The following UBXN11 variants were observed in gnomAD, a reference collection of about 807,000 sequenced individuals.
UBXN11 encodes UBX domain protein 11.
In UBXN11, 47 loss-of-function variants were observed where a neutral mutation model predicts 62.8. The observed-to-expected ratio is 0.75, with a 90% confidence interval of 0.59 to 0.95. The LOEUF is 0.95. UBXN11 is among the 40% of genes least tolerant of loss of function. The probability of loss-of-function intolerance (pLI) is 0.00; values close to 1 mark genes in which losing one functional copy is unlikely to be tolerated. For synonymous variants in UBXN11, 294 were observed against 267.0 expected, an observed-to-expected ratio of 1.10 and a Z score of -0.99; for missense variants, 638 against 661.7, an observed-to-expected ratio of 0.96 and a Z score of 0.39.
exon 1 of UBXN11, chr1:26,318,302 G>A: frequency 1.9e-6 from 1 of 535,172 alleles, no homozygotes; most frequent in Non-Finnish European, 3.4e-6. Flanking sequence ...TGTATCCACA[G>A]CTGGGGAGCA....
intron 8 of UBXN11, among the ~76,000 whole-genome samples, chr1:26,289,574 T>C (rs148505743): frequency 3.2e-4 from 48 of 152,198 alleles, no homozygotes; most frequent in African/African-American, 1.1e-3. Flanking sequence ...TTTCCAGAAA[T>C]GTCTGAGCAC....
intron 5 of UBXN11, 78 bp downstream of exon 5, chr1:26,297,884 G>A: frequency 6.7e-7 from 1 of 1,488,224 alleles, no homozygotes; most frequent in Non-Finnish European, 9.2e-7. Context: ...ACCCACCCTA[G>A]TCCAACTCCT....
intron 7 of UBXN11, among the ~76,000 whole-genome samples, chr1:26,295,606 T>C (rs533725501): frequency 6.6e-6 from 1 of 152,178 alleles, no homozygotes; most frequent in South Asian, 2.1e-4. Context: ...AGTGGCACCT[T>C]CCCTGTCTAA....
At chr1:26,286,063 A>T in intron 8 of UBXN11, 26 bp from the exon 9 acceptor site, 1 of 1,569,398 alleles carries the variant, frequency 6.4e-7, no homozygotes, top group Non-Finnish European at 8.7e-7. Flanking sequence ...GACACCTGTG[A>T]GCCGCCTTTT....
In UBXN11 at chr1:26,282,350, ACC is replaced by A. The variant is rs781506160; in HGVS notation, c.1510_1511del (p.Gly504SerfsTer?). On this transcript the variant is annotated frameshift_variant, in exon 15 of 15. Coordinates refer to ENST00000374222, the MANE Select transcript of UBXN11 (RefSeq NM_001389556.1). LOFTEE classifies it low-confidence loss of function (END_TRUNC). ...SPGPGPGPSP[G>X]PGPGPSPCPG... The stretch of plus-strand genomic sequence containing the variant: ...GACAGGGACTGGGGCCGGGACCGGG[ACC>A]GGGACTGGGGCCGGGACCGGGACCG... The A allele has an allele frequency of 0.013, 4,324 of 333,236 alleles. 302 individuals are homozygous for A. In the African/African-American group the frequency reaches 0.15, roughly 12 times the overall value. 20.6% of individuals were successfully genotyped at this position (333,236 alleles called of 1,614,324 possible). A position where few individuals can be genotyped will look rare whatever the true frequency, so the allele number is the denominator to read the frequency against.
chr1:26,302,314 C>T (rs894402115), intron 2 of UBXN11, among the ~76,000 whole-genome samples: 16 of 129,600 alleles, frequency 1.2e-4, no homozygotes, highest in African/African-American at 3.9e-4. Context: ...GAGCCAAGAT[C>T]GTGCCACTGC....
chr1:26,307,147 G>T (rs2073687902), upstream of UBXN11, among the ~76,000 whole-genome samples: 2 of 152,158 alleles, frequency 1.3e-5, no homozygotes, highest in Admixed American at 1.3e-4. Context: ...CGCCCGGAAG[G>T]GCGGCCCAAA....
Position 26,314,436 on chromosome 1 carries a change from C to T in UBXN11, c.-149+3611G>A, listed in dbSNP as rs1424578904. Among the ~76,000 whole-genome samples the T allele has an allele frequency of 6.6e-5, 10 of 152,320 alleles. No homozygotes were observed. The East Asian group carries it at 1.9e-3, about 29-fold the overall frequency. On this transcript the variant is annotated intron_variant, in intron 1 of 14. Transcript: ENST00000374217. ...AAGCTCAGCTCAGTTTCTCAGCTGT[C>T]CCCTCTGCAAGTGGCATACTTTTAG...
intron 8 of UBXN11, among the ~76,000 whole-genome samples, chr1:26,293,195 TTGA>T (rs1361927866): frequency 6.6e-6 from 1 of 152,194 alleles, no homozygotes; most frequent in Admixed American, 6.5e-5. Flanking sequence ...TCCTGTTTTG[TTGA>T]TGAAGTGAAT....
Position 26,297,282 on chromosome 1 carries a change from C to T in UBXN11, c.355+145G>A, listed in dbSNP as rs1045917924. The T allele has an allele frequency of 7.0e-6, 7 of 993,898 alleles. No homozygotes were observed. In the African/African-American group the frequency reaches 1.1e-4, roughly 16 times the overall value. The allele number at this position is 993,898 out of a possible 1,614,324, so 61.6% of individuals were successfully genotyped here. A position where few individuals can be genotyped will look rare whatever the true frequency, so the allele number is the denominator to read the frequency against. ...CACTGTCCTGGATATGCTGCAGCCC[C>T]TCTGTGGGCTCAGCTGTCCAGACCC... On this transcript the variant is annotated intron_variant, in intron 6 of 14. Transcript: ENST00000374222.
chr1:26,297,096 CCA>C, intron 6 of UBXN11, 101 bp from the exon 7 acceptor site: 5 of 1,345,374 alleles, frequency 3.7e-6, no homozygotes, highest in Non-Finnish European at 4.1e-6. Context: ...TGGGGATCCC[CCA>C]AGAACTGCCT....
At position 26,284,232 on chromosome 1, in the gene UBXN11, A is replaced by C; in HGVS notation, c.987T>G (p.Thr329=). 6.2e-7 allele frequency: 1 copy of C among 1,612,326 alleles called. No individual in the cohort carries two copies. The highest frequency in any genetic ancestry group is 8.5e-7 in the Non-Finnish European group (1 of 1,179,116). ...RVEEHPGSRM[T]AEKFLNRLPK... ...GGAGCCTGTTCAGAAATTTCTCAGC[A>C]GTCATCCTGGAGCCTACAGGCAGAG... The change falls in exon 12 of 15, where the codon ACT becomes ACG. Residue 329 remains threonine, a synonymous_variant. Transcript: ENST00000374222.
intron 8 of UBXN11, among the ~76,000 whole-genome samples, chr1:26,292,652 G>A (rs1459005185): frequency 5.9e-5 from 9 of 152,048 alleles, no homozygotes; most frequent in African/African-American, 1.9e-4. Context: ...TTAGGAGTTT[G>A]AGACCAGCCT....
chr1:26,301,582 C>T (rs2073535404), intron 3 of UBXN11, 112 bp downstream of exon 3: 20 of 1,463,504 alleles, frequency 1.4e-5, no homozygotes, highest in African/African-American at 2.8e-5. Context: ...CGGTGGAGGC[C>T]GCTGCTCCAG....
upstream of UBXN11, chr1:26,306,715 C>A (rs1042639666): frequency 3.3e-5 from 5 of 151,302 alleles, no homozygotes; most frequent in African/African-American, 1.2e-4. Context: ...CTGCAGACAG[C>A]GAAGGTGGAT....
chr1:26,290,847 G>C (rs6686100), intron 8 of UBXN11, among the ~76,000 whole-genome samples: 24,571 of 151,528 alleles, frequency 0.16, 2,129 homozygotes, highest in Middle Eastern at 0.21. Context: ...TGCAGAGGGT[G>C]GGGGGGAAGG....
intron 11 of UBXN11, 31 bp from the exon 12 acceptor site, chr1:26,284,276 G>A: frequency 6.2e-7 from 1 of 1,607,366 alleles, no homozygotes; most frequent in Non-Finnish European, 8.5e-7. Context: ...CGGGGCCCAG[G>A]AAGGACTATG....
chr1:26,291,056 G>A (rs114124499), intron 8 of UBXN11, among the ~76,000 whole-genome samples: 2,262 of 152,180 alleles, frequency 0.015, 61 homozygotes, highest in African/African-American at 0.051. Flanking sequence ...TGGCCCCACC[G>A]GCCCTCCTCC....
chr1:26,305,440 C>T (rs1312116099), intron 1 of UBXN11, among the ~76,000 whole-genome samples: 1 of 152,126 alleles, frequency 6.6e-6, no homozygotes, highest in East Asian at 1.9e-4. Flanking sequence ...AGAACATTTT[C>T]GTCAGCCTAA....
Sources: allele counts gnomAD v4.1 joint callset (sites outside exome capture counted in the v4.1 genomes callset), GRCh38; gene constraint gnomAD v4.1.1; transcripts MANE v1.5; gene names NCBI Gene and HGNC (gene_info 2026-07-23, HGNC 2026-07-21).